SUGCT: variants seen among roughly 807,000 people sequenced by gnomAD.
The protein encoded by SUGCT is succinyl-CoA:glutarate-CoA transferase, also known as succinyl-CoA:glutarate CoA-transferase.
SUGCT carries 41 observed loss-of-function variants against 55.0 expected under a neutral mutation model. That is an observed-to-expected ratio of 0.74 (90% CI 0.58 to 0.97). The LOEUF (loss-of-function observed/expected upper bound fraction) is 0.97. Ranked by LOEUF, SUGCT falls within the 50% of genes least tolerant of loss-of-function variation. The pLI, the probability that SUGCT is intolerant of heterozygous loss-of-function variation, is 0.00. For synonymous variants in SUGCT, 187 were observed against 200.4 expected, an observed-to-expected ratio of 0.93 and a Z score of 0.56; for missense variants, 568 against 547.8, an observed-to-expected ratio of 1.04 and a Z score of -0.37.
chr7:40,983,071 T>C, the SUGCT span, among the ~76,000 whole-genome samples: 3 of 152,342 alleles, frequency 2.0e-5, no homozygotes, highest in Admixed American at 2.0e-4. Flanking sequence ...AGCTTGCTGA[T>C]TCATTATTTT....
At chr7:40,143,987 G>C (rs995495241) in intron 1 of SUGCT, among the ~76,000 whole-genome samples, 4 of 152,174 alleles carry the variant, frequency 2.6e-5, no homozygotes, top group South Asian at 2.1e-4. Flanking sequence ...TGAATGTATG[G>C]TTTTAGGAAA....
At chr7:40,203,624 A>C (rs1202055767) in intron 6 of SUGCT, among the ~76,000 whole-genome samples, 2 of 151,854 alleles carry the variant, frequency 1.3e-5, no homozygotes, top group African/African-American at 4.8e-5. Context: ...AAAATACAAA[A>C]ATTAGCTGGG....
chr7:40,139,520 CTTGT>C, intron 1 of SUGCT, among the ~76,000 whole-genome samples: 1 of 152,232 alleles, frequency 6.6e-6, no homozygotes, highest in South Asian at 2.1e-4. Flanking sequence ...TTTTGATATG[CTTGT>C]TTGTCTTTTG....
chr7:40,460,901 G>A (rs1789759973), intron 11 of SUGCT, among the ~76,000 whole-genome samples: 1 of 152,120 alleles, frequency 6.6e-6, no homozygotes, highest in Admixed American at 6.6e-5. Context: ...GAAGAGACGG[G>A]GCAGGCGTGG....
At chr7:40,245,347 C>G (rs2150906517) in intron 7 of SUGCT, among the ~76,000 whole-genome samples, 1 of 143,270 alleles carries the variant, frequency 7.0e-6, no homozygotes, top group South Asian at 2.2e-4. Flanking sequence ...GTGTGAGCCA[C>G]CGCACCTGGC....
chr7:40,891,948 T>A, the SUGCT span, among the ~76,000 whole-genome samples: 26 of 151,682 alleles, frequency 1.7e-4, no homozygotes, highest in Non-Finnish European at 3.2e-4. Context: ...GCAGAGATTG[T>A]GGTGAGCCGA....
At chr7:40,416,239 T>C (rs1177420939) in intron 9 of SUGCT, among the ~76,000 whole-genome samples, 4 of 151,848 alleles carry the variant, frequency 2.6e-5, no homozygotes, top group Admixed American at 6.5e-5. Context: ...TATAAAAATA[T>C]TGGTTTTGCA....
chr7:40,916,830 A>C, the SUGCT span, among the ~76,000 whole-genome samples: 1 of 152,224 alleles, frequency 6.6e-6, no homozygotes, highest in Non-Finnish European at 1.5e-5. Flanking sequence ...ATACTTTAAA[A>C]ATGTCCATAC....
chr7:40,403,813 T>C (rs1786216764), intron 9 of SUGCT, among the ~76,000 whole-genome samples: 1 of 152,252 alleles, frequency 6.6e-6, no homozygotes, highest in Admixed American at 6.5e-5. Flanking sequence ...TTTGTCTATA[T>C]GGCAAACAGG....
chr7:40,930,525 C>T, the SUGCT span, among the ~76,000 whole-genome samples: 2 of 152,036 alleles, frequency 1.3e-5, no homozygotes, highest in African/African-American at 4.8e-5. Context: ...ATGGCCATTT[C>T]CATGATATTG....
At chr7:40,438,369 C>G (rs191123711) in intron 9 of SUGCT, among the ~76,000 whole-genome samples, 1 of 152,108 alleles carries the variant, frequency 6.6e-6, no homozygotes, top group African/African-American at 2.4e-5. Flanking sequence ...TTAGTTTTGT[C>G]GTGTCATCAA....
At chr7:40,760,165 G>C (rs1788460995) in intron 13 of SUGCT, among the ~76,000 whole-genome samples, 1 of 152,156 alleles carries the variant, frequency 6.6e-6, no homozygotes, top group Non-Finnish European at 1.5e-5. Context: ...CCATGGTGCT[G>C]TGTGGGCAAA....
At chr7:40,451,785 G>C (rs1789203925) in intron 10 of SUGCT, among the ~76,000 whole-genome samples, 2 of 152,170 alleles carry the variant, frequency 1.3e-5, no homozygotes, top group African/African-American at 4.8e-5. Context: ...CCTCCATTCT[G>C]ATGCAAGGTT....
chr7:40,938,593 C>T, the SUGCT span, among the ~76,000 whole-genome samples: 2 of 151,564 alleles, frequency 1.3e-5, no homozygotes, highest in Admixed American at 1.3e-4. Context: ...TTTTAGTGCA[C>T]CCATCACTCA....
intron 6 of SUGCT, among the ~76,000 whole-genome samples, chr7:40,206,183 C>T (rs1213276649): frequency 6.6e-6 from 1 of 152,060 alleles, no homozygotes; most frequent in Non-Finnish European, 1.5e-5. Context: ...GAATTGTTTC[C>T]CCTTATGGTA....
intron 9 of SUGCT, among the ~76,000 whole-genome samples, chr7:40,366,264 C>G (rs887518457): frequency 6.6e-6 from 1 of 152,092 alleles, no homozygotes; most frequent in Non-Finnish European, 1.5e-5. Context: ...AAAATTAATT[C>G]AAGATGGATT....
At chr7:40,453,708 CCTT>C (rs1789318625) in intron 10 of SUGCT, among the ~76,000 whole-genome samples, 1 of 152,144 alleles carries the variant, frequency 6.6e-6, no homozygotes, top group Non-Finnish European at 1.5e-5. Flanking sequence ...TAAAAATTCT[CCTT>C]AGAATTTAAA....
chr7:40,589,150 A>ATGTGTG (rs148183852), intron 12 of SUGCT, among the ~76,000 whole-genome samples: 8 of 150,278 alleles, frequency 5.3e-5, no homozygotes, highest in African/African-American at 1.9e-4. Flanking sequence ...ATGTACATAT[A>ATGTGTG]TGTGTGTGTG....
At chr7:40,402,405 A>G (rs1430196832) in intron 9 of SUGCT, among the ~76,000 whole-genome samples, 2 of 152,178 alleles carry the variant, frequency 1.3e-5, no homozygotes, top group Admixed American at 1.3e-4. Context: ...CTGACATCCT[A>G]TGGCCTGGAA....
Sources: gnomAD v4.1 joint callset for allele counts (sites outside exome capture counted in the v4.1 genomes callset) on GRCh38, gnomAD v4.1.1 for gene constraint, MANE v1.5 for transcripts, NCBI Gene and HGNC (gene_info 2026-07-23, HGNC 2026-07-21) for gene names.